The following PAX9 variants were observed in gnomAD, a reference collection of about 807,000 sequenced individuals.
PAX9 encodes the protein paired box protein Pax-9.
PAX9 carries 6 observed loss-of-function variants against 29.1 expected under a neutral mutation model. The observed-to-expected ratio is 0.21, with a 90% CI of 0.11 to 0.41. The LOEUF is 0.41. Among genes scored for constraint, PAX9 ranks in the 10% least tolerant of loss-of-function variants. PAX9 has a pLI of 1.00. For synonymous variants in PAX9, 217 were observed against 211.7 expected (o/e 1.03, Z -0.22); for missense variants, 443 against 479.1 (o/e 0.92, Z 0.70).
In PAX9 at chr14:36,678,660, A is replaced by G; in HGVS notation, c.*2208A>G. On this transcript the variant is annotated 3_prime_UTR_variant, in exon 4 of 4. Coordinates refer to ENST00000361487, the MANE Select transcript of PAX9 (RefSeq NM_001372076.1). ...AGGTGGCTGTTAGGGGGCTTTAAAA[A>G]ATATTACTTGCTTGTGTGGAAATGC... The G allele has an allele frequency of 8.0e-7, 1 of 1,255,618 alleles. No homozygotes were observed. The highest frequency in any genetic ancestry group is 1.0e-6 in the Non-Finnish European group (1 of 1,000,170). 77.8% of individuals were successfully genotyped at this position (1,255,618 alleles called of 1,614,324 possible).
In PAX9 at chr14:36,663,027, G is replaced by T. The variant is rs1485081477; in HGVS notation, c.135G>T (p.Gln45His). Reference protein sequence around the residue: ...LGIRPCDISRQLRVSHGCVSK... With the variant: ...LGIRPCDISRHLRVSHGCVSK... ...TCCGACCGTGTGACATCAGCCGCCA[G>T]CTACGGGTCTCGCACGGCTGCGTCA... Residue 45 changes from glutamine (Q) to histidine (H), a missense_variant, in exon 2 of 4, where the codon CAG (glutamine) becomes CAT (histidine). Transcript: ENST00000361487. 1 of 1,613,864 alleles carries T rather than the reference G, an allele frequency of 6.2e-7. No homozygotes were observed. Among genetic ancestry groups the T allele is most frequent in the Non-Finnish European group, 8.5e-7 (1 of 1,180,038 alleles).
In PAX9 at chr14:36,677,949, T is replaced by G. The variant is rs1408468446; in HGVS notation, c.*1497T>G. 6.5e-6 allele frequency: 1 copy of G among 153,106 alleles called. No homozygotes were observed. The highest frequency in any genetic ancestry group is 1.5e-5 in the Non-Finnish European group (1 of 68,606). 9.5% of individuals were successfully genotyped at this position (153,106 alleles called of 1,614,324 possible). Reference sequence around the variant, plus strand: ...TTCTACAGTTTTTAATCCCTTCTGTTTAGGAAGTTCTTCCTGTTTGGCAAT... The same window carrying G: ...TTCTACAGTTTTTAATCCCTTCTGTGTAGGAAGTTCTTCCTGTTTGGCAAT... On this transcript the variant is annotated 3_prime_UTR_variant, in exon 4 of 4. Transcript: ENST00000361487.
At chr14:36,675,857 C>T (rs771498511) in intron 3 of PAX9, among the ~76,000 whole-genome samples, 2 of 152,114 alleles carry the variant, frequency 1.3e-5, no homozygotes, top group Non-Finnish European at 2.9e-5. Flanking sequence ...TGAGGACAGC[C>T]GAACAGATTC....
chr14:36,663,159 C>G lies in PAX9; in HGVS notation c.267C>G (p.Thr89=). Residue 89 remains threonine (T), a synonymous_variant, in exon 2 of 4, where the codon ACC becomes ACG. Transcript: ENST00000361487. ...TTPTVVKHIR[T]YKQRDPGIFA... ...CCACCGTGGTGAAACACATCCGGAC[C>G]TACAAGCAGAGAGACCCCGGCATCT... is the stretch of plus-strand genomic sequence containing the variant. 1 of 1,614,082 alleles carries G rather than the reference C, an allele frequency of 6.2e-7. No individual in the cohort carries two copies. Among genetic ancestry groups the G allele is most frequent in the Non-Finnish European group, 8.5e-7 (1 of 1,180,040 alleles).
rs369190149 is a variant in PAX9, at chr14:36,662,073, G to T, written c.-17G>T. The T allele has an allele frequency of 5.3e-6, 8 of 1,523,442 alleles. No homozygotes were observed. The Admixed American group carries it at 7.8e-5, about 15-fold the overall frequency. 94.4% of individuals were successfully genotyped at this position (1,523,442 alleles called of 1,614,324 possible). A position where few individuals can be genotyped will look rare whatever the true frequency, so the allele number is the denominator to read the frequency against. Reference sequence around the variant, plus strand: ...GGAGTGCGGAACTGGGGCCGGGTTGGTGTACTGCTCGGAGCAATGGGTGAG... The same window carrying T: ...GGAGTGCGGAACTGGGGCCGGGTTGTTGTACTGCTCGGAGCAATGGGTGAG... On this transcript the variant is annotated 5_prime_UTR_variant, in exon 1 of 4. Transcript: ENST00000361487.
Position 36,678,645 on chromosome 14 carries a change from T to C in PAX9, c.*2193T>C. ...TTATCAAATGTTTTTAGGTGGCTGT[T>C]AGGGGGCTTTAAAAAATATTACTTG... On this transcript the variant is annotated 3_prime_UTR_variant, in exon 4 of 4. Coordinates refer to ENST00000361487, the MANE Select transcript of PAX9 (RefSeq NM_001372076.1). 6.3e-6 allele frequency: 8 copies of C among 1,266,862 alleles called. No homozygotes were observed. Among genetic ancestry groups the C allele is most frequent in the Non-Finnish European group, 8.0e-6 (8 of 1,006,212 alleles). 78.5% of individuals were successfully genotyped at this position (1,266,862 alleles called of 1,614,324 possible). A position where few individuals can be genotyped will look rare whatever the true frequency, so the allele number is the denominator to read the frequency against.
At chr14:36,663,893 G>C (rs1030994191) in intron 2 of PAX9, among the ~76,000 whole-genome samples, 1 of 152,244 alleles carries the variant, frequency 6.6e-6, no homozygotes, top group Admixed American at 6.5e-5. Context: ...CGGGAGGCCC[G>C]AGCCTGCTTG....
rs1256308432 is a variant in PAX9, at chr14:36,676,268, C to A, written c.842C>A (p.Ala281Asp). 1.2e-6 allele frequency: 2 copies of A among 1,614,078 alleles called. No homozygotes were observed. The highest frequency in any genetic ancestry group is 2.7e-5 in the African/African-American group (2 of 74,916). The change falls in exon 4 of 4, where the codon GCC becomes GAC. Residue 281 changes from alanine (A) to aspartate (D), a missense_variant. Ala to Asp is a moderately radical substitution (Grantham distance 126). Coordinates refer to ENST00000361487, the MANE Select transcript of PAX9 (RefSeq NM_001372076.1). The part of the protein sequence containing the change: ...ASSMAPYPTP[A>D]QVSPYMTYSA... ...AGCATGGCTCCTTACCCTACCCCAG[C>A]CCAAGTGTCGCCTTACATGACCTAC...
intron 1 of PAX9, 89 bp downstream of exon 1, chr14:36,662,182 GC>G: frequency 7.6e-7 from 1 of 1,308,766 alleles, no homozygotes; most frequent in Non-Finnish European, 1.0e-6. Context: ...GAGCGCGAGG[GC>G]GCGCGCCACT....
chr14:36,676,831 G>A lies in PAX9; in HGVS notation c.*379G>A. On this transcript the variant is annotated 3_prime_UTR_variant, in exon 4 of 4. Transcript: ENST00000361487. ...TTATTCTAAATCAACCTGAACTTTT[G>A]AAATGTGCAATTGTTGAGATTTTGC... 1 of 246,250 alleles carries A rather than the reference G, an allele frequency of 4.1e-6. No homozygotes were observed. Among genetic ancestry groups the A allele is most frequent in the Non-Finnish European group, 8.0e-6 (1 of 124,318 alleles). The allele number at this position is 246,250 out of a possible 1,614,324, so 15.3% of individuals were successfully genotyped here. A position where few individuals can be genotyped will look rare whatever the true frequency, so the allele number is the denominator to read the frequency against.
At chr14:36,661,765 C>T, upstream of PAX9, 1 of 460,862 alleles carries the variant, frequency 2.2e-6, no homozygotes, top group South Asian at 3.0e-5. Flanking sequence ...TGTCGCTCAC[C>T]GACCCGCACC....
Position 36,678,968 on chromosome 14 carries a change from A to ATGT in PAX9, c.*2519_*2521dup. ...AACTTTTAAAGATTATTATTGGTTA[A>ATGT]TGTTGACATATTTCCTCTATCTCAT... On this transcript the variant is annotated 3_prime_UTR_variant, in exon 4 of 4. Coordinates refer to ENST00000361487, the MANE Select transcript of PAX9 (RefSeq NM_001372076.1). 1 of 981,940 alleles carries ATGT rather than the reference A, an allele frequency of 1.0e-6. No homozygotes were observed. The highest frequency in any genetic ancestry group is 1.2e-6 in the Non-Finnish European group (1 of 826,864). The allele number at this position is 981,940 out of a possible 1,614,324, so 60.8% of individuals were successfully genotyped here. A position where few individuals can be genotyped will look rare whatever the true frequency, so the allele number is the denominator to read the frequency against.
chr14:36,666,096 G>GTGGA (rs1453361551), intron 2 of PAX9: 2 of 231,814 alleles, frequency 8.6e-6, no homozygotes, highest in African/African-American at 4.5e-5. Context: ...GAATGAGGAG[G>GTGGA]TGGAGAACGG....
intron 3 of PAX9, among the ~76,000 whole-genome samples, chr14:36,667,344 A>G (rs1039973301): frequency 1.3e-5 from 2 of 151,904 alleles, no homozygotes; most frequent in African/African-American, 4.8e-5. Context: ...TCCCCCCGAG[A>G]AAAGCTAAAC....
intron 1 of PAX9, 47 bp from the exon 2 acceptor site, chr14:36,662,850 C>T (rs1205173530): frequency 4.4e-6 from 7 of 1,581,830 alleles, no homozygotes; most frequent in Non-Finnish European, 5.2e-6. Flanking sequence ...GGCAGCTGTC[C>T]CAAGCAGCGG....
chr14:36,658,375 G>GA (rs59646911), upstream of PAX9, among the ~76,000 whole-genome samples: 5 of 133,850 alleles, frequency 3.7e-5, no homozygotes, highest in South Asian at 2.2e-4. Flanking sequence ...GCCTCGCTTG[G>GA]GGGGGGGGGG....
At chr14:36,661,048 CA>C (rs1881239951), upstream of PAX9, among the ~76,000 whole-genome samples, 1 of 152,244 alleles carries the variant, frequency 6.6e-6, no homozygotes, top group African/African-American at 2.4e-5. Flanking sequence ...CACCGAGGGC[CA>C]GGGGCCCAGG....
At chr14:36,664,777 C>T (rs1881426019) in intron 2 of PAX9, among the ~76,000 whole-genome samples, 1 of 152,298 alleles carries the variant, frequency 6.6e-6, no homozygotes, top group East Asian at 1.9e-4. Flanking sequence ...GTTGCCACCA[C>T]ATTGGCACAA....
upstream of PAX9, chr14:36,658,601 G>T (rs1298152430): frequency 6.6e-6 from 1 of 152,278 alleles, no homozygotes; most frequent in African/African-American, 2.4e-5. Flanking sequence ...ATACAGGGAG[G>T]GGTCCTCGCG....
Sources: allele counts gnomAD v4.1 joint callset (sites outside exome capture counted in the v4.1 genomes callset), GRCh38; gene constraint gnomAD v4.1.1; transcripts MANE v1.5; gene names NCBI Gene and HGNC (gene_info 2026-07-23, HGNC 2026-07-21).